The following FAM13A variants were observed in gnomAD, a reference collection of about 807,000 sequenced individuals.
FAM13A encodes the protein protein FAM13A.
In FAM13A, 76 loss-of-function variants were observed where a neutral mutation model predicts 129.6. The observed-to-expected ratio is 0.59, with a 90% CI of 0.49 to 0.71. FAM13A has a LOEUF of 0.71. Ranked by LOEUF, FAM13A falls within the 30% of genes least tolerant of loss-of-function variation. FAM13A has a pLI of 0.00. For synonymous variants in FAM13A, 443 were observed against 449.9 expected, an observed-to-expected ratio of 0.98 and a Z score of 0.20; for missense variants, 1,108 against 1,249.3, an observed-to-expected ratio of 0.89 and a Z score of 1.70.
rs898715550 is a variant in FAM13A at position 88,968,851 on chromosome 4, C to T, written c.605+22122G>A. ...TCTCAAACTATTATTCATTTTTCAA[C>T]AGAAATGCCTATAACGCTGTTAGGG... On this transcript the variant is annotated intron_variant, in intron 4 of 23. Coordinates refer to ENST00000264344, the MANE Select transcript of FAM13A (RefSeq NM_014883.4). Among the ~76,000 whole-genome samples the T allele has an allele frequency of 3.3e-5, 5 of 152,210 alleles. No homozygotes were observed. In the East Asian group the frequency reaches 5.8e-4, roughly 18 times the overall value.
chr4:88,952,862 C>T (rs796389602), intron 4 of FAM13A, among the ~76,000 whole-genome samples: 22 of 152,128 alleles, frequency 1.4e-4, no homozygotes, highest in African/African-American at 1.4e-4. Context: ...GAAGGAGAAT[C>T]GCTTAAACCT....
chr4:88,891,943 G>A (rs980359922), intron 6 of FAM13A, among the ~76,000 whole-genome samples: 10 of 152,110 alleles, frequency 6.6e-5, no homozygotes, highest in Non-Finnish European at 1.3e-4. Context: ...TTGGGAGGCC[G>A]AGGTGGGAGG....
intron 6 of FAM13A, among the ~76,000 whole-genome samples, chr4:88,856,820 T>A (rs942554063): frequency 6.6e-6 from 1 of 152,186 alleles, no homozygotes. Context: ...TTCGTTAAAC[T>A]CATAATCTTC....
chr4:89,017,857 T>C (rs1766708291), intron 3 of FAM13A, among the ~76,000 whole-genome samples: 1 of 152,124 alleles, frequency 6.6e-6, no homozygotes, highest in Non-Finnish European at 1.5e-5. Context: ...TTAGCAAGCC[T>C]CGAACATGTC....
At chr4:89,042,626 T>C (rs965567053) in intron 1 of FAM13A, among the ~76,000 whole-genome samples, 6 of 152,186 alleles carry the variant, frequency 3.9e-5, no homozygotes, top group African/African-American at 1.4e-4. Context: ...ATATAATTGT[T>C]CTAGAAATCA....
At chr4:88,927,903 G>C (rs1053533120) in intron 5 of FAM13A, among the ~76,000 whole-genome samples, 1 of 151,822 alleles carries the variant, frequency 6.6e-6, no homozygotes, top group African/African-American at 2.4e-5. Flanking sequence ...TGCAAACTTG[G>C]GATTTGCTTT....
chr4:88,854,260 T>A (rs1738112480), intron 6 of FAM13A, among the ~76,000 whole-genome samples: 1 of 152,220 alleles, frequency 6.6e-6, no homozygotes, highest in Non-Finnish European at 1.5e-5. Context: ...CAGGAGGCCA[T>A]TTAGACCCAC....
At chr4:88,931,953 A>G (rs1753101418) in intron 5 of FAM13A, among the ~76,000 whole-genome samples, 1 of 152,320 alleles carries the variant, frequency 6.6e-6, no homozygotes, top group African/African-American at 2.4e-5. Context: ...AGCCAAAAAC[A>G]TCTTTTATTT....
At chr4:89,000,858 AT>A (rs1277013435) in intron 3 of FAM13A, among the ~76,000 whole-genome samples, 8 of 152,194 alleles carry the variant, frequency 5.3e-5, no homozygotes, top group African/African-American at 9.7e-5. Context: ...TAAAATGACA[AT>A]TTTTTTAAAA....
intron 6 of FAM13A, among the ~76,000 whole-genome samples, chr4:88,894,603 C>A (rs1307160811): frequency 1.3e-5 from 2 of 152,188 alleles, no homozygotes; most frequent in Non-Finnish European, 2.9e-5. Context: ...CTCACTGCAA[C>A]CTCAGCCTCC....
At chr4:88,733,037 T>C (rs1738187691) in intron 21 of FAM13A, among the ~76,000 whole-genome samples, 1 of 152,126 alleles carries the variant, frequency 6.6e-6, no homozygotes, top group African/African-American at 2.4e-5. Context: ...GAGAATAACT[T>C]ACTATCCTAA....
intron 4 of FAM13A, among the ~76,000 whole-genome samples, chr4:88,986,849 T>C (rs1006696026): frequency 6.6e-6 from 1 of 152,232 alleles, no homozygotes; most frequent in African/African-American, 2.4e-5. Flanking sequence ...AAAATATCAA[T>C]ATAAATCCAT....
In FAM13A at chr4:88,726,356, AT is replaced by A. The variant is rs1403775112; in HGVS notation, c.*2176del. 1 of 146,940 alleles carries A rather than the reference AT, an allele frequency of 6.8e-6. No homozygotes were observed. The highest frequency in any genetic ancestry group is 1.5e-5 in the Non-Finnish European group (1 of 67,470). 9.1% of individuals were successfully genotyped at this position (146,940 alleles called of 1,614,324 possible). A position where few individuals can be genotyped will look rare whatever the true frequency, so the allele number is the denominator to read the frequency against. On this transcript the variant is annotated 3_prime_UTR_variant, in exon 24 of 24. Transcript: ENST00000264344. ...AGGAAAACACAACATCTCATACACA[AT>A]TTATTTTATATAACTTACTTGGTGT...
chr4:88,849,088 G>T (rs1737133438), intron 7 of FAM13A, among the ~76,000 whole-genome samples: 1 of 152,168 alleles, frequency 6.6e-6, no homozygotes, highest in South Asian at 2.1e-4. Context: ...CTCAAGAGAA[G>T]CGCCTGAATC....
chr4:89,049,379 C>T (rs950720613), intron 1 of FAM13A, among the ~76,000 whole-genome samples: 1 of 152,034 alleles, frequency 6.6e-6, no homozygotes, highest in Non-Finnish European at 1.5e-5. Flanking sequence ...TCAGAAAAGT[C>T]AAATGTGCTG....
At chr4:89,027,670 C>T (rs151277790) in intron 2 of FAM13A, among the ~76,000 whole-genome samples, 40 of 152,100 alleles carry the variant, frequency 2.6e-4, no homozygotes, top group East Asian at 2.5e-3. Flanking sequence ...TTGGCATATC[C>T]GAATTGCCAG....
At chr4:88,910,895 G>A (rs910592735) in intron 5 of FAM13A, among the ~76,000 whole-genome samples, 21 of 152,180 alleles carry the variant, frequency 1.4e-4, no homozygotes, top group African/African-American at 2.9e-4. Context: ...TGATCTGCCC[G>A]CCTCAGCCTC....
At position 88,837,706 on chromosome 4, in the gene FAM13A, G is replaced by C. The variant is rs541643228; in HGVS notation, c.1007+13314C>G. On this transcript the variant is annotated intron_variant, in intron 7 of 23. Coordinates refer to ENST00000264344, the MANE Select transcript of FAM13A (RefSeq NM_014883.4). ...GCACTCCAGCCTGGGCAACAAGAGG[G>C]AAACTCCGTCTCAAAAAAAAAAAAA... is the stretch of plus-strand genomic sequence containing the variant. Among the ~76,000 whole-genome samples, 9 of 99,174 alleles carry C rather than the reference G, an allele frequency of 9.1e-5. No homozygotes were observed. In the South Asian group the frequency reaches 3.1e-3, roughly 34 times the overall value. The allele number at this position is 99,174 out of a possible 152,430, so 65.1% of individuals were successfully genotyped here.
At chr4:89,007,993 A>AT (rs938860703) in intron 3 of FAM13A, among the ~76,000 whole-genome samples, 10 of 104,676 alleles carry the variant, frequency 9.6e-5, no homozygotes, top group Non-Finnish European at 1.1e-4. Flanking sequence ...CCTCAGTATC[A>AT]TTTTTTTCCA....
Sources: gnomAD v4.1 joint callset for allele counts (sites outside exome capture counted in the v4.1 genomes callset) on GRCh38, gnomAD v4.1.1 for gene constraint, MANE v1.5 for transcripts, NCBI Gene and HGNC (gene_info 2026-07-23, HGNC 2026-07-21) for gene names.